BACH2: variants seen among roughly 807,000 people sequenced by gnomAD.
BACH2 encodes BACH transcriptional regulator 2.
In BACH2, 5 loss-of-function variants were observed where a neutral mutation model predicts 61.8. The ratio of observed to expected loss-of-function variants is 0.08; its 90% CI spans 0.04 to 0.17. The LOEUF (loss-of-function observed/expected upper bound fraction) is 0.17, where lower values mean the gene tolerates loss of function less well. Ranked by LOEUF, BACH2 falls within the 10% of genes least tolerant of loss-of-function variation. BACH2 has a pLI of 1.00. For missense variants in BACH2, 824 were observed against 1,091.1 expected (o/e 0.76, Z 3.45); for synonymous variants, 446 against 440.1 (o/e 1.01, Z -0.17).
At chr6:90,267,385 G>A (rs1771371800) in intron 2 of BACH2, among the ~76,000 whole-genome samples, 1 of 152,086 alleles carries the variant, frequency 6.6e-6, no homozygotes, top group Admixed American at 6.6e-5. Flanking sequence ...ACTTTACACC[G>A]CAGAGAGAGA....
chr6:90,080,153 CAAT>C, intron 5 of BACH2, among the ~76,000 whole-genome samples: 2 of 152,212 alleles, frequency 1.3e-5, no homozygotes, highest in East Asian at 3.9e-4. Flanking sequence ...TGTTTTGAAA[CAAT>C]GATGGTATTT....
intron 5 of BACH2, among the ~76,000 whole-genome samples, chr6:90,077,288 G>A (rs371502672): frequency 2.0e-5 from 3 of 152,148 alleles, no homozygotes; most frequent in African/African-American, 7.2e-5. Flanking sequence ...GAGGGACGGC[G>A]AAGATAATGG....
intron 4 of BACH2, among the ~76,000 whole-genome samples, chr6:90,172,214 G>A (rs1047157259): frequency 4.0e-5 from 6 of 150,768 alleles, no homozygotes; most frequent in African/African-American, 4.9e-5. Flanking sequence ...GCTGGGGCAG[G>A]AGAATTGCTT....
At chr6:90,144,610 T>C (rs544842589) in intron 4 of BACH2, among the ~76,000 whole-genome samples, 2 of 152,354 alleles carry the variant, frequency 1.3e-5, no homozygotes, top group East Asian at 1.9e-4. Context: ...GGAACACCAC[T>C]GTTTCAGAAT....
chr6:90,012,477 A>G (rs1777776161), intron 5 of BACH2, among the ~76,000 whole-genome samples: 1 of 151,576 alleles, frequency 6.6e-6, no homozygotes, highest in African/African-American at 2.4e-5. Flanking sequence ...TAAAAACGCA[A>G]AAATTAGCCA....
chr6:90,105,440 T>C (rs552288143), intron 4 of BACH2, among the ~76,000 whole-genome samples: 2 of 152,218 alleles, frequency 1.3e-5, no homozygotes, highest in Non-Finnish European at 2.9e-5. Context: ...ATACATACTT[T>C]GTAATGTGTT....
chr6:90,211,588 C>CTG (rs3072674), intron 3 of BACH2, among the ~76,000 whole-genome samples: 8,142 of 143,968 alleles, frequency 0.057, 285 homozygotes, highest in East Asian at 0.13. Flanking sequence ...GTGTCAAGGG[C>CTG]TGTGTGTGTG....
At chr6:90,254,735 ATTTGTAGAAAAGTAACAAC>A (rs1770922281) in intron 2 of BACH2, among the ~76,000 whole-genome samples, 1 of 152,190 alleles carries the variant, frequency 6.6e-6, no homozygotes, top group Non-Finnish European at 1.5e-5. Context: ...CTATAAGGAG[ATTTGTAGAAAAGTAACAAC>A]TTGATATATT....
chr6:90,101,838 AT>A (rs1462274766), intron 4 of BACH2, among the ~76,000 whole-genome samples: 1 of 152,120 alleles, frequency 6.6e-6, no homozygotes, highest in Non-Finnish European at 1.5e-5. Context: ...TTTCTATAGT[AT>A]TCTGTAATTT....
At chr6:90,130,024 T>C (rs1039238893) in intron 4 of BACH2, among the ~76,000 whole-genome samples, 13 of 152,048 alleles carry the variant, frequency 8.5e-5, no homozygotes, top group African/African-American at 3.1e-4. Context: ...TGCTCACCAC[T>C]GTGCCTGGCT....
chr6:90,168,725 C>T (rs2127836196), intron 4 of BACH2, among the ~76,000 whole-genome samples: 1 of 152,168 alleles, frequency 6.6e-6, no homozygotes, highest in Non-Finnish European at 1.5e-5. Context: ...AAAAAAAACA[C>T]ACATAAATGA....
rs966410626 is a variant in BACH2 at position 90,031,803 on chromosome 6, C to T, written c.-12-22947G>A. 1.2e-4 allele frequency among the ~76,000 whole-genome samples: 18 copies of T among 152,270 alleles called. 1 individual carries two copies. In the South Asian group the frequency reaches 3.3e-3, roughly 28 times the overall value. On this transcript the variant is annotated intron_variant, in intron 5 of 8. Transcript: ENST00000257749. ...CCCAAAGTAATTTATAGATTCAGTG[C>T]CATCCCCATCAAGCTACCAATGACT...
At chr6:90,119,404 C>T (rs1783533343) in intron 4 of BACH2, among the ~76,000 whole-genome samples, 1 of 152,140 alleles carries the variant, frequency 6.6e-6, no homozygotes, top group Non-Finnish European at 1.5e-5. Context: ...CTTAAACACA[C>T]ACTAATATAA....
intron 3 of BACH2, among the ~76,000 whole-genome samples, chr6:90,250,308 GAA>G (rs1288534977): frequency 6.6e-6 from 1 of 151,970 alleles, no homozygotes; most frequent in Non-Finnish European, 1.5e-5. Flanking sequence ...TCCAGTTTAA[GAA>G]AAGTTGACCT....
chr6:90,061,106 T>G (rs1211807749), intron 5 of BACH2, among the ~76,000 whole-genome samples: 3 of 152,186 alleles, frequency 2.0e-5, no homozygotes, highest in Admixed American at 1.3e-4. Flanking sequence ...TGATTGTTGC[T>G]TTTGAAGAGC....
In BACH2 at chr6:89,931,934, GATATATATAT is replaced by G. The variant is rs10606091; in HGVS notation, c.*464_*473del. On this transcript the variant is annotated 3_prime_UTR_variant, in exon 9 of 9. Coordinates refer to ENST00000257749, the MANE Select transcript of BACH2 (RefSeq NM_021813.4). ...GAGGCATGCAGGACTTTTGCATATG[GATATATATAT>G]ATATATATATATATTTTATATATAT... 1.1e-4 allele frequency: 15 copies of G among 140,598 alleles called. 1 individual carries two copies. Among genetic ancestry groups the G allele is most frequent in the African/African-American group, 3.4e-4 (13 of 38,772 alleles). The allele number at this position is 140,598 out of a possible 1,614,324, so 8.7% of individuals were successfully genotyped here.
At chr6:90,013,506 TTTTC>T (rs1409191201) in intron 5 of BACH2, among the ~76,000 whole-genome samples, 1 of 127,236 alleles carries the variant, frequency 7.9e-6, no homozygotes, top group African/African-American at 3.4e-5. Context: ...TTCTTTTTCT[TTTTC>T]TTTTTTTTTT....
rs148648293 is a variant in BACH2 at position 90,015,184 on chromosome 6, T to C, written c.-12-6328A>G. Reference sequence around the variant, plus strand: ...GAAAATTTGTGTCTTCTCTTTCTGATCAGTCTGGCTAGAGGCTTAACCATT... The same window carrying C: ...GAAAATTTGTGTCTTCTCTTTCTGACCAGTCTGGCTAGAGGCTTAACCATT... On this transcript the variant is annotated intron_variant, in intron 5 of 8. Transcript: ENST00000257749. 2.3e-3 allele frequency among the ~76,000 whole-genome samples: 350 copies of C among 152,358 alleles called. 1 individual carries two copies. Among genetic ancestry groups the C allele is most frequent in the African/African-American group, 6.9e-3 (285 of 41,586 alleles).
intron 7 of BACH2, among the ~76,000 whole-genome samples, chr6:89,939,481 T>C (rs1269303865): frequency 6.6e-6 from 1 of 152,114 alleles, no homozygotes; most frequent in Non-Finnish European, 1.5e-5. Context: ...TTTGGGGTGA[T>C]TTATTATGCA....
Sources: allele counts gnomAD v4.1 joint callset (sites outside exome capture counted in the v4.1 genomes callset), GRCh38; gene constraint gnomAD v4.1.1; transcripts MANE v1.5; gene names NCBI Gene and HGNC (gene_info 2026-07-23, HGNC 2026-07-21).